Variants in ROBO1 observed in about 807,000 individuals in gnomAD.
ROBO1 encodes roundabout guidance receptor 1.
Under a neutral mutation model 195.9 loss-of-function variants are expected in ROBO1, and 149 were observed. That is an observed-to-expected ratio of 0.76 (90% CI 0.67 to 0.87). The LOEUF is 0.87. Among genes scored for constraint, ROBO1 ranks in the 40% least tolerant of loss-of-function variants. ROBO1 has a pLI of 0.00. For synonymous variants in ROBO1, 816 were observed against 733.2 expected (o/e 1.11, Z -1.82); for missense variants, 1,933 against 2,068.3 (o/e 0.93, Z 1.27).
In ROBO1 at chr3:79,566,777, A is replaced by T. The variant is rs962722158; in HGVS notation, c.88+23047T>A. ...ATAGCTACTATAAAAAAGTCAAAAA[A>T]ATAACAGATGCTGGAGAGGTTGTGG... On this transcript the variant is annotated intron_variant, in intron 2 of 30. Coordinates refer to ENST00000464233, the MANE Select transcript of ROBO1 (RefSeq NM_002941.4). Among the ~76,000 whole-genome samples the T allele has an allele frequency of 3.9e-5, 6 of 152,162 alleles. No individual in the cohort carries two copies. In the East Asian group the frequency reaches 1.2e-3, roughly 29 times the overall value.
chr3:78,731,201 G>A (rs1576040838), intron 5 of ROBO1, among the ~76,000 whole-genome samples: 1 of 152,052 alleles, frequency 6.6e-6, no homozygotes, highest in Non-Finnish European at 1.5e-5. Flanking sequence ...ACAAAAGCAT[G>A]CTGAACAGAA....
chr3:79,148,936 C>A (rs769947521), intron 2 of ROBO1, among the ~76,000 whole-genome samples: 4 of 151,840 alleles, frequency 2.6e-5, no homozygotes, highest in Non-Finnish European at 5.9e-5. Flanking sequence ...TGTGTTCAGG[C>A]AATGAAGTGC....
At chr3:79,343,131 T>A (rs2034975437) in intron 2 of ROBO1, among the ~76,000 whole-genome samples, 1 of 152,188 alleles carries the variant, frequency 6.6e-6, no homozygotes, top group Admixed American at 6.6e-5. Flanking sequence ...CTTCTTCCAC[T>A]TAGTAACATG....
chr3:79,187,364 C>T (rs922890957), intron 2 of ROBO1, among the ~76,000 whole-genome samples: 1 of 151,916 alleles, frequency 6.6e-6, no homozygotes, highest in Non-Finnish European at 1.5e-5. Flanking sequence ...TCTACTGTGA[C>T]GATTCTGGAT....
intron 29 of ROBO1, among the ~76,000 whole-genome samples, chr3:78,603,968 CTG>C (rs1057182509): frequency 8.6e-5 from 13 of 152,000 alleles, no homozygotes; most frequent in Non-Finnish European, 1.6e-4. Context: ...AATTTTATCT[CTG>C]TTTTCTAAAT....
At chr3:79,497,123 G>T (rs1413203227) in intron 2 of ROBO1, among the ~76,000 whole-genome samples, 1 of 152,076 alleles carries the variant, frequency 6.6e-6, no homozygotes, top group African/African-American at 2.4e-5. Flanking sequence ...GATGTTGCTT[G>T]GAAAGACTTA....
intron 21 of ROBO1, among the ~76,000 whole-genome samples, chr3:78,645,947 A>G (rs545257433): frequency 2.0e-5 from 3 of 152,206 alleles, no homozygotes; most frequent in Admixed American, 6.6e-5. Flanking sequence ...GTCACTGACT[A>G]AGATGCAACT....
intron 1 of ROBO1, among the ~76,000 whole-genome samples, chr3:79,614,970 T>C (rs1312267276): frequency 6.6e-6 from 1 of 152,158 alleles, no homozygotes. Context: ...TTGAGCACTC[T>C]GTCCTCACCC....
At chr3:79,375,375 A>C (rs2036344081) in intron 2 of ROBO1, among the ~76,000 whole-genome samples, 1 of 152,206 alleles carries the variant, frequency 6.6e-6, no homozygotes, top group Non-Finnish European at 1.5e-5. Flanking sequence ...ACGGATGGAA[A>C]TTGATACTTC....
intron 4 of ROBO1, among the ~76,000 whole-genome samples, chr3:78,847,200 T>G (rs2106817085): frequency 6.6e-6 from 1 of 152,276 alleles, no homozygotes; most frequent in African/African-American, 2.4e-5. Context: ...TTATCTTGAC[T>G]AAATGAAATC....
At chr3:79,020,570 T>C (rs2108271198) in intron 3 of ROBO1, among the ~76,000 whole-genome samples, 1 of 152,266 alleles carries the variant, frequency 6.6e-6, no homozygotes, top group African/African-American at 2.4e-5. Context: ...CGTTCGCCTG[T>C]AGCCCCAGCT....
chr3:79,129,513 T>C (rs922613092), intron 2 of ROBO1, among the ~76,000 whole-genome samples: 12 of 152,078 alleles, frequency 7.9e-5, no homozygotes, highest in African/African-American at 2.7e-4. Flanking sequence ...GCAACAACTA[T>C]AAAAGGAAAT....
intron 2 of ROBO1, among the ~76,000 whole-genome samples, chr3:79,520,760 A>T (rs531122967): frequency 1.3e-5 from 2 of 152,304 alleles, no homozygotes; most frequent in South Asian, 4.1e-4. Flanking sequence ...TGATATTTGT[A>T]TCCAACATAT....
chr3:78,879,164 A>C (rs866651979), intron 4 of ROBO1, among the ~76,000 whole-genome samples: 4 of 152,218 alleles, frequency 2.6e-5, no homozygotes, highest in African/African-American at 9.6e-5. Flanking sequence ...AGTTGGACTT[A>C]ATAAATATTA....
chr3:78,922,812 A>T lies in ROBO1; in HGVS notation c.499+15789T>A, dbSNP rs139815942. The stretch of plus-strand genomic sequence containing the variant: ...TTTAGTAGAGATGGGGTTTCACCAT[A>T]GTCTCGAACTCCTGACCTCAAGGGA... On this transcript the variant is annotated intron_variant, in intron 4 of 30. Transcript: ENST00000464233. Among the ~76,000 whole-genome samples the T allele has an allele frequency of 1.3e-3, 204 of 151,610 alleles. 6 individuals carry two copies. The East Asian group carries it at 0.038, about 28-fold the overall frequency.
chr3:78,749,008 A>T (rs2082725302), intron 4 of ROBO1, among the ~76,000 whole-genome samples: 3 of 152,308 alleles, frequency 2.0e-5, no homozygotes, highest in East Asian at 3.9e-4. Context: ...AGAACAGAGT[A>T]TAAAGACTTT....
chr3:78,614,853 T>A, intron 27 of ROBO1, 53 bp from the exon 28 acceptor site: 1 of 1,480,622 alleles, frequency 6.8e-7, no homozygotes, highest in Non-Finnish European at 9.0e-7. Context: ...GAATTTTAAT[T>A]ACAACAGGAA....
chr3:79,718,646 A>G (rs1702582539), intron 1 of ROBO1, among the ~76,000 whole-genome samples: 1 of 152,078 alleles, frequency 6.6e-6, no homozygotes, highest in South Asian at 2.1e-4. Flanking sequence ...AACATGCTAA[A>G]GATATTAAAT....
At chr3:79,420,136 C>T (rs2038167338) in intron 2 of ROBO1, among the ~76,000 whole-genome samples, 1 of 152,076 alleles carries the variant, frequency 6.6e-6, no homozygotes, top group African/African-American at 2.4e-5. Context: ...TATATTCCTA[C>T]CTGAACAGGT....
Sources: allele counts gnomAD v4.1 joint callset (sites outside exome capture counted in the v4.1 genomes callset), GRCh38; gene constraint gnomAD v4.1.1; transcripts MANE v1.5; gene names NCBI Gene and HGNC (gene_info 2026-07-23, HGNC 2026-07-21).